The following RABGAP1L variants were observed in gnomAD, a reference collection of about 807,000 sequenced individuals.
The protein encoded by RABGAP1L is RAB GTPase activating protein 1 like.
A neutral mutation model predicts 137.7 loss-of-function variants in RABGAP1L; 63 were observed. That is an observed-to-expected ratio of 0.46 (90% CI 0.37 to 0.56). The LOEUF (loss-of-function observed/expected upper bound fraction) is 0.56, where lower values mean the gene tolerates loss of function less well. Among genes scored for constraint, RABGAP1L ranks in the 20% least tolerant of loss-of-function variants. The pLI, the probability that RABGAP1L is intolerant of heterozygous loss-of-function variation, is 0.00. For missense variants in RABGAP1L, 1,095 were observed against 1,244.0 expected, an observed-to-expected ratio of 0.88 and a Z score of 1.80; for synonymous variants, 431 against 433.7, an observed-to-expected ratio of 0.99 and a Z score of 0.08.
rs141238872 is a variant in RABGAP1L, at chr1:174,296,132, T to G, written c.1324-8854T>G. Among the ~76,000 whole-genome samples the G allele has an allele frequency of 1.2e-3, 177 of 152,274 alleles. 1 individual carries two copies. Among genetic ancestry groups the G allele is most frequent in the African/African-American group, 4.2e-3 (173 of 41,558 alleles). On this transcript the variant is annotated intron_variant, in intron 10 of 25. Transcript: ENST00000681986. Reference sequence around the variant, plus strand: ...CAGGAAAGGCAAGAGAGGAAATAGTTTCCAGCAGGAGAGAATGCCTAAAGT... The same window carrying G: ...CAGGAAAGGCAAGAGAGGAAATAGTGTCCAGCAGGAGAGAATGCCTAAAGT...
At chr1:174,548,060 G>A (rs765818806) in intron 13 of RABGAP1L, 98 of 1,550,070 alleles carry the variant, frequency 6.3e-5, no homozygotes, top group Middle Eastern at 1.7e-4. Context: ...TGTTAAATGC[G>A]TCAGTGCTCT....
At chr1:174,835,962 C>T (rs532702457) in intron 19 of RABGAP1L, among the ~76,000 whole-genome samples, 79 of 152,348 alleles carry the variant, frequency 5.2e-4, no homozygotes, top group Admixed American at 2.0e-3. Context: ...GAACCACCTT[C>T]AGTTGAAATT....
intron 19 of RABGAP1L, among the ~76,000 whole-genome samples, chr1:174,840,271 A>G (rs1693234403): frequency 6.6e-6 from 1 of 152,224 alleles, no homozygotes; most frequent in South Asian, 2.1e-4. Context: ...CTTACAAATT[A>G]TCCAACTGCA....
intron 19 of RABGAP1L, among the ~76,000 whole-genome samples, chr1:174,871,942 G>A (rs942476460): frequency 6.6e-6 from 1 of 152,158 alleles, no homozygotes; most frequent in African/African-American, 2.4e-5. Context: ...AAAATTTAAT[G>A]TGAATGTGAT....
rs958047489 is a variant in RABGAP1L, at chr1:174,185,949, G to C, written c.-34+26292G>C. 1.5e-4 allele frequency among the ~76,000 whole-genome samples: 23 copies of C among 152,096 alleles called. 1 individual carries two copies. Among genetic ancestry groups the C allele is most frequent in the Non-Finnish European group, 1.2e-4 (8 of 68,024 alleles). On this transcript the variant is annotated intron_variant, in intron 1 of 25. Coordinates refer to ENST00000681986, the MANE Select transcript of RABGAP1L (RefSeq NM_001366446.1). ...ACCTAAGGTCGGGAGTTCGCGACCA[G>C]CCTGACCAACATGGAGAAACCCCGT...
chr1:174,672,334 G>A (rs1444968287), intron 14 of RABGAP1L, among the ~76,000 whole-genome samples: 1 of 143,348 alleles, frequency 7.0e-6, no homozygotes, highest in Non-Finnish European at 1.5e-5. Flanking sequence ...AGGCTGGAGT[G>A]CAGTGGCTCA....
chr1:174,854,701 A>G (rs1231828), intron 19 of RABGAP1L, among the ~76,000 whole-genome samples: 17,513 of 132,478 alleles, frequency 0.13, 3,778 homozygotes, highest in African/African-American at 0.46. Flanking sequence ...ACTGCAATAG[A>G]CTCAATATAA....
chr1:174,920,192 T>TAG (rs1391101385), intron 19 of RABGAP1L, among the ~76,000 whole-genome samples: 6 of 152,222 alleles, frequency 3.9e-5, no homozygotes. Flanking sequence ...AATAAAGACA[T>TAG]ACCTGAGACT....
At chr1:174,613,673 T>C (rs1449733573) in intron 13 of RABGAP1L, among the ~76,000 whole-genome samples, 1 of 152,158 alleles carries the variant, frequency 6.6e-6, no homozygotes, top group African/African-American at 2.4e-5. Context: ...AGTCTCCCAT[T>C]ATTATTGTGT....
At chr1:174,490,418 T>C (rs971150325) in intron 13 of RABGAP1L, among the ~76,000 whole-genome samples, 1 of 152,144 alleles carries the variant, frequency 6.6e-6, no homozygotes, top group Non-Finnish European at 1.5e-5. Flanking sequence ...CTTCCCTTGC[T>C]TTCTTCCAAA....
intron 11 of RABGAP1L, among the ~76,000 whole-genome samples, chr1:174,339,599 G>T (rs1267045001): frequency 6.6e-6 from 1 of 150,734 alleles, no homozygotes; most frequent in Non-Finnish European, 1.5e-5. Context: ...CTGTTTGAAG[G>T]CAATTTTATC....
chr1:174,688,089 C>T (rs767221097), intron 15 of RABGAP1L, among the ~76,000 whole-genome samples: 1 of 152,110 alleles, frequency 6.6e-6, no homozygotes, highest in Non-Finnish European at 1.5e-5. Context: ...TGTTATAGTA[C>T]AGATTGCCTG....
At chr1:174,384,598 C>G (rs1429157929) in intron 12 of RABGAP1L, among the ~76,000 whole-genome samples, 1 of 151,970 alleles carries the variant, frequency 6.6e-6, no homozygotes, top group African/African-American at 2.4e-5. Flanking sequence ...CTTGTCAGAA[C>G]AGTGCCTTCA....
intron 11 of RABGAP1L, among the ~76,000 whole-genome samples, chr1:174,327,883 T>C (rs573390798): frequency 1.4e-5 from 2 of 147,392 alleles, no homozygotes; most frequent in African/African-American, 5.0e-5. Context: ...AGTAAAAAAT[T>C]AGAAAAAGAG....
intron 13 of RABGAP1L, among the ~76,000 whole-genome samples, chr1:174,475,772 T>TAAAAAA (rs61597461): frequency 1.9e-4 from 13 of 69,936 alleles, no homozygotes; most frequent in East Asian, 9.0e-4. Context: ...CCCCGTGTCT[T>TAAAAAA]AAAAAAAAAA....
At chr1:174,968,379 A>C (rs1669830478) in intron 20 of RABGAP1L, among the ~76,000 whole-genome samples, 1 of 152,230 alleles carries the variant, frequency 6.6e-6, no homozygotes, top group Admixed American at 6.5e-5. Context: ...TAGCAAAGAA[A>C]GCAATTTTGA....
intron 13 of RABGAP1L, among the ~76,000 whole-genome samples, chr1:174,611,075 C>T (rs2148210922): frequency 6.7e-6 from 1 of 149,700 alleles, no homozygotes; most frequent in South Asian, 2.1e-4. Context: ...TCCCATTTGT[C>T]AATTTTGGCT....
chr1:174,249,982 T>A (rs1312110531), intron 5 of RABGAP1L, among the ~76,000 whole-genome samples: 1 of 152,174 alleles, frequency 6.6e-6, no homozygotes, highest in Non-Finnish European at 1.5e-5. Flanking sequence ...CAGATCCTAG[T>A]TGCAGCTCCT....
chr1:174,386,707 C>T (rs993654266), intron 12 of RABGAP1L, among the ~76,000 whole-genome samples: 1 of 151,984 alleles, frequency 6.6e-6, no homozygotes. Context: ...CGGAGTTTCA[C>T]CATGTTGGCC....
Sources: allele counts gnomAD v4.1 joint callset (sites outside exome capture counted in the v4.1 genomes callset), GRCh38; gene constraint gnomAD v4.1.1; transcripts MANE v1.5; gene names NCBI Gene and HGNC (gene_info 2026-07-23, HGNC 2026-07-21).